The following ZNF57 variants were observed in gnomAD, a reference collection of about 807,000 sequenced individuals.
ZNF57 encodes zinc finger protein 424.
In ZNF57, 11 loss-of-function variants were observed where a neutral mutation model predicts 13.4. The observed-to-expected ratio is 0.82, with a 90% CI of 0.52 to 1.36. ZNF57 has a LOEUF of 1.36. Among genes scored for constraint, ZNF57 ranks in the 40% most tolerant of loss-of-function variants. The pLI is 0.00. For synonymous variants in ZNF57, 224 were observed against 238.5 expected (o/e 0.94, Z 0.56); for missense variants, 696 against 667.5 (o/e 1.04, Z -0.47).
chr19:2,914,798 T>C (rs1379829854), intron 1 of ZNF57, among the ~76,000 whole-genome samples: 1 of 152,220 alleles, frequency 6.6e-6, no homozygotes, highest in East Asian at 1.9e-4. Flanking sequence ...GAATATTATA[T>C]GCCAAAACAG....
chr19:2,911,287 C>T (rs142516825), intron 1 of ZNF57, among the ~76,000 whole-genome samples: 3,550 of 151,998 alleles, frequency 0.023, 79 homozygotes, highest in Middle Eastern at 0.1. Flanking sequence ...TCCCAGCACT[C>T]TGGGAGGCCG....
rs531806255 is a variant in ZNF57 at position 2,917,928 on chromosome 19, G to C, written c.1307G>C (p.Arg436Thr). ...GKTFTWSSTF[R>T]EHVRIHTQEQ... ...ACCTTCACTTGGTCCTCAACGTTTA[G>C]AGAACATGTGAGAATTCACACGCAA... Residue 436 changes from arginine to threonine, a missense_variant, in exon 4 of 4, where the codon AGA (arginine) becomes ACA (threonine). By Grantham distance (71) the Arg-to-Thr change is moderately conservative. This residue lies in a region of ZNF57 where 645 missense variants were observed against 591.5 expected (regional missense o/e 1.09). Transcript: ENST00000306908. 4 of 1,610,178 alleles carry C rather than the reference G, an allele frequency of 2.5e-6. No homozygotes were observed. The highest frequency in any genetic ancestry group is 3.4e-6 in the Non-Finnish European group (4 of 1,179,004).
intron 1 of ZNF57, chr19:2,912,304 T>C (rs2088145120): frequency 6.6e-6 from 1 of 152,196 alleles, no homozygotes; most frequent in Non-Finnish European, 1.5e-5. Flanking sequence ...GAGGCTCTGA[T>C]CAAATAGTTT....
In ZNF57 at chr19:2,917,235, T is replaced by C. The variant is rs756334346; in HGVS notation, c.614T>C (p.Phe205Ser). ...PYKCQACGQT[F>S]QHPRYLSHHV... ...AAGTGTCAAGCATGTGGGCAAACTT[T>C]CCAACATCCTCGTTACCTCTCCCAC... The change falls in exon 4 of 4, where the codon TTC becomes TCC. Residue 205 changes from phenylalanine (F) to serine (S), a missense_variant. Transcript: ENST00000306908. 4.3e-6 allele frequency: 7 copies of C among 1,614,054 alleles called. No individual in the cohort carries two copies. In the Admixed American group the frequency reaches 5.0e-5, roughly 12 times the overall value.
At chr19:2,902,218 C>T (rs542943926) in intron 1 of ZNF57, among the ~76,000 whole-genome samples, 164 of 149,750 alleles carry the variant, frequency 1.1e-3, no homozygotes, top group African/African-American at 4.0e-3. Context: ...GTTTGGGGGA[C>T]GACCTCAGCG....
intron 1 of ZNF57, chr19:2,912,157 CG>C (rs904544219): frequency 1.1e-4 from 16 of 151,994 alleles, no homozygotes; most frequent in African/African-American, 3.6e-4. Context: ...GCCTGTGCCC[CG>C]CGACACTGAA....
chr19:2,916,495 G>C, intron 3 of ZNF57: 1 of 331,680 alleles, frequency 3.0e-6, no homozygotes, highest in Non-Finnish European at 5.5e-6. Flanking sequence ...GGCGGATCAC[G>C]AGGTCAGGAG....
chr19:2,917,641 CTG>C lies in ZNF57; in HGVS notation c.1023_1024del (p.Cys341TrpfsTer24). 6.2e-7 allele frequency: 1 copy of C among 1,613,642 alleles called. No homozygotes were observed. Among genetic ancestry groups the C allele is most frequent in the South Asian group, 1.1e-5 (1 of 91,058 alleles). ...TGDKLYKCEHCGKAFTSSRSF... is the reference protein window; with the variant it reads ...TGDKLYKCEHXGKAFTSSRSF... ...GGGACAAACTCTATAAATGTGAACACTGTGGGAAGGCTTTTACCTCTTCCAGA... is the reference window on the plus strand; with the variant it reads ...GGGACAAACTCTATAAATGTGAACACTGGGAAGGCTTTTACCTCTTCCAGA... On this transcript the variant is annotated frameshift_variant, in exon 4 of 4. Transcript: ENST00000306908. LOFTEE classifies it low-confidence loss of function (END_TRUNC).
intron 1 of ZNF57, among the ~76,000 whole-genome samples, chr19:2,914,778 C>A (rs1203487880): frequency 6.6e-6 from 1 of 152,082 alleles, no homozygotes; most frequent in Non-Finnish European, 1.5e-5. Flanking sequence ...TGAATACATG[C>A]TACATCCATG....
chr19:2,909,045 C>T (rs2088105412), intron 1 of ZNF57, among the ~76,000 whole-genome samples: 1 of 152,106 alleles, frequency 6.6e-6, no homozygotes, highest in African/African-American at 2.4e-5. Flanking sequence ...CCATTCCTTA[C>T]ATGGCTGAGT....
chr19:2,912,308 A>T (rs1296448752), intron 1 of ZNF57: 5 of 152,236 alleles, frequency 3.3e-5, no homozygotes, highest in Non-Finnish European at 7.3e-5. Context: ...CTCTGATCAA[A>T]TAGTTTTAAG....
At chr19:2,906,311 C>T (rs1348031349) in intron 1 of ZNF57, among the ~76,000 whole-genome samples, 1 of 152,230 alleles carries the variant, frequency 6.6e-6, no homozygotes, top group African/African-American at 2.4e-5. Context: ...GCCTCAGCCT[C>T]CCAAAGTGCT....
chr19:2,915,639 G>T lies in ZNF57; in HGVS notation c.121G>T (p.Ala41Ser). ...GATGCTGGAGACCTTCCGGAACCTG[G>T]CCTCAGTAGGTGAGGATGGCATCAT... The part of the protein sequence containing the change: ...DVMLETFRNL[A>S]SVDDGTQFKA... Residue 41 changes from alanine (A) to serine (S), a missense_variant, in exon 2 of 4, where the codon GCC (alanine) becomes TCC (serine). By Grantham distance (99) the Ala-to-Ser change is moderately conservative. Coordinates refer to ENST00000306908, the MANE Select transcript of ZNF57 (RefSeq NM_173480.3). 6.2e-7 allele frequency: 1 copy of T among 1,613,842 alleles called. No homozygotes were observed.
chr19:2,911,548 C>T (rs575547962), intron 1 of ZNF57, among the ~76,000 whole-genome samples: 1 of 149,696 alleles, frequency 6.7e-6, no homozygotes. Flanking sequence ...CAAAAAAAAA[C>T]GACAACAAAA....
At position 2,909,874 on chromosome 19, in the gene ZNF57, GCT is replaced by G. The variant is rs1352470175; in HGVS notation, c.4-5644_4-5643del. Among the ~76,000 whole-genome samples, 4 of 47,812 alleles carry G rather than the reference GCT, an allele frequency of 8.4e-5. 2 individuals carry two copies. Among genetic ancestry groups the G allele is most frequent in the African/African-American group, 1.9e-4 (4 of 20,992 alleles). The allele number at this position is 47,812 out of a possible 152,430, so 31.4% of individuals were successfully genotyped here. ...ACATCGCACTCTCCTGATGACTACAGCTCTCCAGAAAGCCTGGAAAATGCATA... is the reference window on the plus strand; with the variant it reads ...ACATCGCACTCTCCTGATGACTACAGCTCCAGAAAGCCTGGAAAATGCATA... On this transcript the variant is annotated intron_variant, in intron 1 of 3. Transcript: ENST00000306908.
chr19:2,917,079 C>T lies in ZNF57; in HGVS notation c.458C>T (p.Ser153Phe), dbSNP rs2088207901. The change falls in exon 4 of 4, where the codon TCT becomes TTT. Residue 153 changes from serine to phenylalanine, a missense_variant. Physicochemically the swap from Ser to Phe is radical, Grantham distance 155. Coordinates refer to ENST00000306908, the MANE Select transcript of ZNF57 (RefSeq NM_173480.3). ...TKCRTVFTHLSSLKRHVKSHC... is the reference protein window; with the variant it reads ...TKCRTVFTHLFSLKRHVKSHC... ...TGCAGGACAGTCTTCACGCATCTTT[C>T]TTCTCTTAAAAGGCACGTCAAGTCT... The T allele has an allele frequency of 6.2e-7, 1 of 1,614,062 alleles. No homozygotes were observed. The highest frequency in any genetic ancestry group is 8.5e-7 in the Non-Finnish European group (1 of 1,180,026).
chr19:2,916,031 A>C, intron 2 of ZNF57, 47 bp from the exon 3 acceptor site: 1 of 1,574,534 alleles, frequency 6.4e-7, no homozygotes, highest in Middle Eastern at 1.7e-4. Context: ...TCCTTTGCTT[A>C]ATACGTGTCT....
chr19:2,909,275 A>ATTTTTTTTTTTTTT (rs1258331033), intron 1 of ZNF57, among the ~76,000 whole-genome samples: 23 of 103,784 alleles, frequency 2.2e-4, no homozygotes, highest in Non-Finnish European at 3.5e-4. Flanking sequence ...TATTTTATTT[A>ATTTTTTTTTTTTTT]TTTTTGTTTT....
rs145058495 is a variant in ZNF57 at position 2,917,306 on chromosome 19, T to G, written c.685T>G (p.Cys229Gly). Residue 229 changes from cysteine to glycine, a missense_variant, in exon 4 of 4, where the codon TGT becomes GGT. Cys to Gly is a radical substitution (Grantham distance 159). Around this residue, in one of 3 missense-constraint regions of ZNF57, gnomAD observed 645 missense variants for 591.5 expected, o/e 1.09. Transcript: ENST00000306908. ...AGAGAAAACCTACAAATGCGAGCAG[T>G]GTCGGATGGCGTTTAATGGGTTCGC... ...TAEKTYKCEQCRMAFNGFASF... is the reference protein window; with the variant it reads ...TAEKTYKCEQGRMAFNGFASF... 1.1e-5 allele frequency: 17 copies of G among 1,614,082 alleles called. No homozygotes were observed. In the East Asian group the frequency reaches 3.8e-4, roughly 36 times the overall value.
Sources: allele counts gnomAD v4.1 joint callset (sites outside exome capture counted in the v4.1 genomes callset), GRCh38; gene constraint gnomAD v4.1.1; regional missense constraint gnomAD v4.1.1; transcripts MANE v1.5; gene names NCBI Gene and HGNC (gene_info 2026-07-23, HGNC 2026-07-21).